UTP23: variants seen among roughly 807,000 people sequenced by gnomAD.
UTP23 encodes rRNA-processing protein UTP23 homolog.
A neutral mutation model predicts 19.8 loss-of-function variants in UTP23; 10 were observed. The observed-to-expected ratio is 0.50, with a 90% confidence interval of 0.31 to 0.86. UTP23 has a LOEUF of 0.86. Ranked by LOEUF, UTP23 falls within the 40% of genes least tolerant of loss-of-function variation. The pLI, the probability that UTP23 is intolerant of heterozygous loss-of-function variation, is 0.05. For synonymous variants in UTP23, 108 were observed against 105.4 expected, an observed-to-expected ratio of 1.02 and a Z score of -0.15; for missense variants, 282 against 293.1, an observed-to-expected ratio of 0.96 and a Z score of 0.28.
At chr8:116,768,287 A>T (rs1235033296) in intron 1 of UTP23, among the ~76,000 whole-genome samples, 2 of 152,206 alleles carry the variant, frequency 1.3e-5, no homozygotes, top group African/African-American at 4.8e-5. Context: ...TTTTGTCTAC[A>T]AGCAATTTGT....
In UTP23 at chr8:116,771,916, GA is replaced by G. The variant is rs1815662042; in HGVS notation, c.*75del. 6.8e-7 allele frequency: 1 copy of G among 1,474,418 alleles called. No homozygotes were observed. Among genetic ancestry groups the G allele is most frequent in the South Asian group, 1.5e-5 (1 of 66,454 alleles). The allele number at this position is 1,474,418 out of a possible 1,614,324, so 91.3% of individuals were successfully genotyped here. ...ACAACTAGAAGTATTTATAATAAAA[GA>G]CCAAACTTATTTTTGTAAATGAACC... On this transcript the variant is annotated 3_prime_UTR_variant, in exon 3 of 3. Coordinates refer to ENST00000309822, the MANE Select transcript of UTP23 (RefSeq NM_032334.3).
rs566724709 is a variant in UTP23 at position 116,774,218 on chromosome 8, T to G, written c.*2376T>G. ...TTTACGAACACTTAAAAATAAGTGT[T>G]TGCAGTTGTGTATGGGCACGATACT... is the stretch of plus-strand genomic sequence containing the variant. On this transcript the variant is annotated 3_prime_UTR_variant, in exon 3 of 3. Transcript: ENST00000309822. The G allele has an allele frequency of 2.0e-6, 2 of 985,414 alleles. No individual in the cohort carries two copies. The highest frequency in any genetic ancestry group is 4.7e-5 in the South Asian group (1 of 21,288). The allele number at this position is 985,414 out of a possible 1,614,324, so 61.0% of individuals were successfully genotyped here.
At position 116,771,467 on chromosome 8, in the gene UTP23, G is replaced by A; in HGVS notation, c.375G>A (p.Leu125=). Residue 125 remains leucine (L), a synonymous_variant, in exon 3 of 3, where the codon TTG becomes TTA. Coordinates refer to ENST00000309822, the MANE Select transcript of UTP23 (RefSeq NM_032334.3). The stretch of plus-strand genomic sequence containing the variant: ...TTTCTTTTAAATAGGATCAGAATTT[G>A]TCTGTGAAAGTAAAAAAGAAGCCTG... ...HYFVATQDQN[L]SVKVKKKPGV... is the part of the protein sequence containing the mutation. The A allele has an allele frequency of 1.3e-6, 2 of 1,488,772 alleles. No individual in the cohort carries two copies. Among genetic ancestry groups the A allele is most frequent in the Non-Finnish European group, 1.8e-6 (2 of 1,121,688 alleles). The allele number at this position is 1,488,772 out of a possible 1,614,324, so 92.2% of individuals were successfully genotyped here. A position where few individuals can be genotyped will look rare whatever the true frequency, so the allele number is the denominator to read the frequency against.
In UTP23 at chr8:116,770,347, A is replaced by G; in HGVS notation, c.344A>G (p.His115Arg). 2 of 1,611,534 alleles carry G rather than the reference A, an allele frequency of 1.2e-6. No homozygotes were observed. The highest frequency in any genetic ancestry group is 2.2e-5 in the South Asian group (2 of 90,918). ...LSMVEEGNPH[H>R]YFVATQDQNL... Reference sequence around the variant, plus strand: ...ATGGTTGAAGAGGGAAATCCTCATCATTATTTTGTGGCAACACAGGTGATA... The same window carrying G: ...ATGGTTGAAGAGGGAAATCCTCATCGTTATTTTGTGGCAACACAGGTGATA... Residue 115 changes from histidine to arginine, a missense_variant, in exon 2 of 3, where the codon CAT (histidine) becomes CGT (arginine). By Grantham distance (29) the His-to-Arg change is conservative. Coordinates refer to ENST00000309822, the MANE Select transcript of UTP23 (RefSeq NM_032334.3).
Position 116,771,299 on chromosome 8 carries a change from A to C in UTP23, c.364-157A>C, listed in dbSNP as rs1006421911. 5.9e-5 allele frequency among the ~76,000 whole-genome samples: 9 copies of C among 152,310 alleles called. 1 individual carries two copies. The East Asian group carries it at 1.2e-3, about 20-fold the overall frequency. ...GTTTTTATGTTTTTCTTCCTTTATC[A>C]TGAAATATACCCCCATTACTCAAAT... On this transcript the variant is annotated intron_variant, in intron 2 of 2. Transcript: ENST00000309822.
chr8:116,768,977 T>G (rs902278654), intron 1 of UTP23, among the ~76,000 whole-genome samples: 2 of 152,156 alleles, frequency 1.3e-5, no homozygotes, highest in Admixed American at 1.3e-4. Flanking sequence ...TTTTAAAAAT[T>G]TTGGCAGTTT....
chr8:116,766,950 A>G, intron 1 of UTP23, 159 bp downstream of exon 1: 1 of 687,000 alleles, frequency 1.5e-6, no homozygotes, highest in East Asian at 2.8e-5. Context: ...GGTCAGGCGA[A>G]TACCTATAAT....
rs969942322 is a variant in UTP23, at chr8:116,773,060, T to G, written c.*1218T>G. On this transcript the variant is annotated 3_prime_UTR_variant, in exon 3 of 3. Transcript: ENST00000309822. ...TATTCCCATAGAAATGTCATTCTCA[T>G]TTGAATTCAGAGATACTTCTTTGCT... The G allele has an allele frequency of 1.7e-6, 1 of 588,390 alleles. No homozygotes were observed. Among genetic ancestry groups the G allele is most frequent in the African/African-American group, 2.6e-5 (1 of 37,934 alleles). 36.4% of individuals were successfully genotyped at this position (588,390 alleles called of 1,614,324 possible).
Position 116,767,276 on chromosome 8 carries a change from G to A in UTP23, c.188+485G>A, listed in dbSNP as rs543740142. ...CTTAGTTTAAACCAAAACTCTGCAA[G>A]CCTCACAGTGAACCTGTGAGTTACC... On this transcript the variant is annotated intron_variant, in intron 1 of 2. Coordinates refer to ENST00000309822, the MANE Select transcript of UTP23 (RefSeq NM_032334.3). 8.5e-5 allele frequency among the ~76,000 whole-genome samples: 13 copies of A among 152,330 alleles called. No individual in the cohort carries two copies. In the South Asian group the frequency reaches 2.7e-3, roughly 32 times the overall value.
intron 2 of UTP23, among the ~76,000 whole-genome samples, chr8:116,771,115 T>G (rs1212038476): frequency 6.6e-6 from 1 of 152,210 alleles, no homozygotes; most frequent in Non-Finnish European, 1.5e-5. Context: ...TTTCTTTTCC[T>G]TTAACCTCTT....
At position 116,771,851 on chromosome 8, in the gene UTP23, G is replaced by C. The variant is rs373190037; in HGVS notation, c.*9G>C. 50 of 1,558,898 alleles carry C rather than the reference G, an allele frequency of 3.2e-5. No homozygotes were observed. The highest frequency in any genetic ancestry group is 4.3e-5 in the Admixed American group (2 of 46,726). ...ATGCAGAAGGAGAATGAATCCTTTG[G>C]ATACTTTCAAGGACATTCAAATGTG... On this transcript the variant is annotated 3_prime_UTR_variant, in exon 3 of 3. Transcript: ENST00000309822.
chr8:116,774,130 A>C lies in UTP23; in HGVS notation c.*2288A>C. The C allele has an allele frequency of 4.1e-6, 4 of 985,410 alleles. No individual in the cohort carries two copies. The highest frequency in any genetic ancestry group is 4.8e-6 in the Non-Finnish European group (4 of 829,924). The allele number at this position is 985,410 out of a possible 1,614,324, so 61.0% of individuals were successfully genotyped here. On this transcript the variant is annotated 3_prime_UTR_variant, in exon 3 of 3. Transcript: ENST00000309822. Reference sequence around the variant, plus strand: ...TTTGTTGGGGATAAAAGTGTAATACATGCACTTTTGAACTCTGAAAGTTTG... The same window carrying C: ...TTTGTTGGGGATAAAAGTGTAATACCTGCACTTTTGAACTCTGAAAGTTTG...
Position 116,774,435 on chromosome 8 carries a change from G to C in UTP23, c.*2593G>C. On this transcript the variant is annotated 3_prime_UTR_variant, in exon 3 of 3. Coordinates refer to ENST00000309822, the MANE Select transcript of UTP23 (RefSeq NM_032334.3). Reference sequence around the variant, plus strand: ...ATTGCTAGTTTTTTATAGGTGGATAGAAATGAATAGTTTGGAGTCTTTAAA... The same window carrying C: ...ATTGCTAGTTTTTTATAGGTGGATACAAATGAATAGTTTGGAGTCTTTAAA... 1.0e-6 allele frequency: 1 copy of C among 982,766 alleles called. No individual in the cohort carries two copies. The allele number at this position is 982,766 out of a possible 1,614,324, so 60.9% of individuals were successfully genotyped here.
At position 116,773,303 on chromosome 8, in the gene UTP23, A is replaced by G. The variant is rs1385065464; in HGVS notation, c.*1461A>G. 1.0e-6 allele frequency: 1 copy of G among 985,142 alleles called. No individual in the cohort carries two copies. The highest frequency in any genetic ancestry group is 1.2e-6 in the Non-Finnish European group (1 of 829,778). The allele number at this position is 985,142 out of a possible 1,614,324, so 61.0% of individuals were successfully genotyped here. A position where few individuals can be genotyped will look rare whatever the true frequency, so the allele number is the denominator to read the frequency against. The stretch of plus-strand genomic sequence containing the variant: ...ATGACAAGCATTAAGGCCACCTAAT[A>G]AAGTGTAGACAAAGTGATAAATGAA... On this transcript the variant is annotated 3_prime_UTR_variant, in exon 3 of 3. Transcript: ENST00000309822.
At chr8:116,770,135 G>GT (rs1815631570) in intron 1 of UTP23, 57 bp from the exon 2 acceptor site, 4 of 1,425,056 alleles carry the variant, frequency 2.8e-6, no homozygotes, top group South Asian at 1.7e-5. Flanking sequence ...ATCGACTATT[G>GT]TTTTTTACAC....
chr8:116,774,680 CA>C lies in UTP23; in HGVS notation c.*2842del. 1 of 824,954 alleles carries C rather than the reference CA, an allele frequency of 1.2e-6. No individual in the cohort carries two copies. Among genetic ancestry groups the C allele is most frequent in the Non-Finnish European group, 1.5e-6 (1 of 685,420 alleles). 51.1% of individuals were successfully genotyped at this position (824,954 alleles called of 1,614,324 possible). ...CCGGTAAAATTAAAAGATATTTTAA[CA>C]AAAGTCTCATCTCCTTGTACTTCAG... is the stretch of plus-strand genomic sequence containing the variant. On this transcript the variant is annotated 3_prime_UTR_variant, in exon 3 of 3. Coordinates refer to ENST00000309822, the MANE Select transcript of UTP23 (RefSeq NM_032334.3).
chr8:116,766,826 G>T, intron 1 of UTP23, 35 bp downstream of exon 1: 1 of 1,481,764 alleles, frequency 6.7e-7, no homozygotes, highest in South Asian at 1.3e-5. Flanking sequence ...GGCACAGAGG[G>T]TCCGTCGGGT....
chr8:116,768,917 C>T (rs946391014), intron 1 of UTP23, among the ~76,000 whole-genome samples: 5 of 152,190 alleles, frequency 3.3e-5, no homozygotes, highest in African/African-American at 9.7e-5. Context: ...CCACCCACCT[C>T]GGCCCCCAAA....
At position 116,773,309 on chromosome 8, in the gene UTP23, T is replaced by C. The variant is rs1815683227; in HGVS notation, c.*1467T>C. 2 of 985,000 alleles carry C rather than the reference T, an allele frequency of 2.0e-6. No individual in the cohort carries two copies. The highest frequency in any genetic ancestry group is 2.4e-6 in the Non-Finnish European group (2 of 829,672). 61.0% of individuals were successfully genotyped at this position (985,000 alleles called of 1,614,324 possible). A position where few individuals can be genotyped will look rare whatever the true frequency, so the allele number is the denominator to read the frequency against. On this transcript the variant is annotated 3_prime_UTR_variant, in exon 3 of 3. Coordinates refer to ENST00000309822, the MANE Select transcript of UTP23 (RefSeq NM_032334.3). ...AGCATTAAGGCCACCTAATAAAGTG[T>C]AGACAAAGTGATAAATGAAATATAC...
Sources: allele counts gnomAD v4.1 joint callset (sites outside exome capture counted in the v4.1 genomes callset), GRCh38; gene constraint gnomAD v4.1.1; transcripts MANE v1.5; gene names NCBI Gene and HGNC (gene_info 2026-07-23, HGNC 2026-07-21).